MGMT: variants seen among roughly 807,000 people sequenced by gnomAD.
MGMT encodes the protein methylated-DNA--protein-cysteine methyltransferase.
MGMT carries 14 observed loss-of-function variants against 15.9 expected under a neutral mutation model. The ratio of observed to expected loss-of-function variants is 0.88; its 90% CI spans 0.58 to 1.37. The LOEUF is 1.37. Ranked by LOEUF, MGMT falls within the 40% of genes most tolerant of loss-of-function variation. MGMT has a pLI of 0.00. For missense variants in MGMT, 282 were observed against 268.1 expected (o/e 1.05, Z -0.36); for synonymous variants, 130 against 118.2 (o/e 1.10, Z -0.65).
In MGMT at chr10:129,647,918, T is replaced by G. The variant is rs547307933; in HGVS notation, c.126-59977T>G. ...GCGAGTCTGTGAAGGAACATAAATG[T>G]GCTGTGCTGTTTACATACTAACTTA... On this transcript the variant is annotated intron_variant, in intron 2 of 4. Transcript: ENST00000651593. Among the ~76,000 whole-genome samples the G allele has an allele frequency of 3.3e-5, 5 of 152,352 alleles. No individual in the cohort carries two copies. In the South Asian group the frequency reaches 1.0e-3, roughly 32 times the overall value.
chr10:129,581,046 A>T (rs1216087252), intron 2 of MGMT, among the ~76,000 whole-genome samples: 1 of 152,226 alleles, frequency 6.6e-6, no homozygotes, highest in Non-Finnish European at 1.5e-5. Flanking sequence ...ATGTTAGCAC[A>T]TGACACTCTG....
intron 3 of MGMT, among the ~76,000 whole-genome samples, chr10:129,745,848 T>G (rs1045459252): frequency 1.3e-5 from 2 of 152,184 alleles, no homozygotes; most frequent in Middle Eastern, 3.4e-3. Context: ...TTTGGAAAAA[T>G]CTTTATATAT....
chr10:129,620,774 T>C (rs1847082313), intron 2 of MGMT, among the ~76,000 whole-genome samples: 1 of 152,224 alleles, frequency 6.6e-6, no homozygotes, highest in South Asian at 2.1e-4. Context: ...TACTTTTTAT[T>C]TGAAATGTTT....
intron 1 of MGMT, among the ~76,000 whole-genome samples, chr10:129,522,002 C>T (rs1845816014): frequency 1.3e-5 from 2 of 152,200 alleles, no homozygotes; most frequent in South Asian, 4.1e-4. Flanking sequence ...TGGTCTGGAC[C>T]GAGCAGGCAG....
intron 2 of MGMT, among the ~76,000 whole-genome samples, chr10:129,707,124 A>C (rs373121093): frequency 6.6e-6 from 1 of 152,204 alleles, no homozygotes; most frequent in African/African-American, 2.4e-5. Context: ...AAAGATACAA[A>C]AAGTTAGCTG....
At chr10:129,470,014 G>A (rs1303823134) in intron 1 of MGMT, among the ~76,000 whole-genome samples, 2 of 152,096 alleles carry the variant, frequency 1.3e-5, no homozygotes, top group Admixed American at 6.5e-5. Flanking sequence ...GCCTGGCCTC[G>A]CAGGATATTA....
intron 2 of MGMT, among the ~76,000 whole-genome samples, chr10:129,602,455 G>A (rs902976166): frequency 1.3e-5 from 2 of 152,290 alleles, no homozygotes; most frequent in East Asian, 1.9e-4. Context: ...TTGTGAGAGC[G>A]GATTCACCAA....
At position 129,468,233 on chromosome 10, in the gene MGMT, C is replaced by A. The variant is rs572222970; in HGVS notation, c.-13+937C>A. ...GGAGATGGTTTTGTTATTTTCAGGG[C>A]CCTCTCAATGGCTAAAACACTCTGG... On this transcript the variant is annotated intron_variant, in intron 1 of 4. Coordinates refer to ENST00000651593, the MANE Select transcript of MGMT (RefSeq NM_002412.5). Among the ~76,000 whole-genome samples the A allele has an allele frequency of 3.9e-5, 6 of 152,292 alleles. 1 individual carries two copies. The highest frequency in any genetic ancestry group is 1.4e-4 in the African/African-American group (6 of 41,572).
intron 2 of MGMT, among the ~76,000 whole-genome samples, chr10:129,609,424 G>T (rs1006075392): frequency 6.6e-6 from 1 of 151,910 alleles, no homozygotes; most frequent in African/African-American, 2.4e-5. Flanking sequence ...CCTGGAGGCT[G>T]GATGGTAGAA....
intron 3 of MGMT, among the ~76,000 whole-genome samples, chr10:129,729,258 T>C (rs1333865221): frequency 6.6e-6 from 1 of 152,216 alleles, no homozygotes; most frequent in African/African-American, 2.4e-5. Flanking sequence ...CCACGGGCTG[T>C]GTCTGATGGT....
intron 2 of MGMT, among the ~76,000 whole-genome samples, chr10:129,592,179 A>G (rs1846695112): frequency 6.6e-6 from 1 of 152,208 alleles, no homozygotes; most frequent in African/African-American, 2.4e-5. Context: ...AGTATCACTG[A>G]CCAGCCAACC....
At position 129,635,559 on chromosome 10, in the gene MGMT, TCTTA is replaced by T. The variant is rs369553244; in HGVS notation, c.126-72331_126-72328del. The stretch of plus-strand genomic sequence containing the variant: ...TTTTGGTGAGAGGGTCAATCTTGTC[TCTTA>T]CTTATTTTATCTTGCCTGGAAACAG... On this transcript the variant is annotated intron_variant, in intron 2 of 4. Coordinates refer to ENST00000651593, the MANE Select transcript of MGMT (RefSeq NM_002412.5). Among the ~76,000 whole-genome samples the T allele has an allele frequency of 1.9e-4, 29 of 152,380 alleles. 1 individual carries two copies. In the South Asian group the frequency reaches 5.0e-3, roughly 26 times the overall value.
intron 2 of MGMT, among the ~76,000 whole-genome samples, chr10:129,707,037 G>A (rs550537768): frequency 7.9e-5 from 12 of 152,174 alleles, no homozygotes; most frequent in Middle Eastern, 3.4e-3. Context: ...CCACGCGGGC[G>A]GATCACCTGA....
intron 3 of MGMT, among the ~76,000 whole-genome samples, chr10:129,732,714 C>T (rs1245582165): frequency 7.6e-6 from 1 of 131,852 alleles, no homozygotes; most frequent in Admixed American, 8.7e-5. Context: ...CCCGTCCCCC[C>T]ACCCCACAAC....
At chr10:129,519,542 C>T (rs187026774) in intron 1 of MGMT, among the ~76,000 whole-genome samples, 17 of 152,288 alleles carry the variant, frequency 1.1e-4, no homozygotes, top group African/African-American at 2.4e-4. Context: ...GAGACCTTTA[C>T]GGAGTTCAGT....
At chr10:129,757,444 T>C (rs747358352) in intron 3 of MGMT, among the ~76,000 whole-genome samples, 1 of 152,162 alleles carries the variant, frequency 6.6e-6, no homozygotes, top group Non-Finnish European at 1.5e-5. Flanking sequence ...TTCCAGGCCG[T>C]TCTCCCAGAA....
chr10:129,560,565 C>G (rs567559796), intron 2 of MGMT, among the ~76,000 whole-genome samples: 4 of 152,208 alleles, frequency 2.6e-5, no homozygotes, highest in Admixed American at 6.5e-5. Flanking sequence ...GACTCTCCTT[C>G]GTTCTTTTGC....
At chr10:129,492,349 C>T in intron 1 of MGMT, among the ~76,000 whole-genome samples, 1 of 152,166 alleles carries the variant, frequency 6.6e-6, no homozygotes, top group East Asian at 1.9e-4. Context: ...GTTTCAAAGT[C>T]TCCTAAATGT....
In MGMT at chr10:129,767,606, C is replaced by T. The variant is rs573114327; in HGVS notation, c.*609C>T. 6.6e-6 allele frequency: 1 copy of T among 152,384 alleles called. No individual in the cohort carries two copies. Among genetic ancestry groups the T allele is most frequent in the Non-Finnish European group, 1.5e-5 (1 of 68,056 alleles). The allele number at this position is 152,384 out of a possible 1,614,324, so 9.4% of individuals were successfully genotyped here. On this transcript the variant is annotated 3_prime_UTR_variant, in exon 5 of 5. Coordinates refer to ENST00000651593, the MANE Select transcript of MGMT (RefSeq NM_002412.5). ...CTGTATCAGGTGAATAGAAAATAAC[C>T]ATTTGCCAAGATTTGGAAAGACAGA...
Sources: allele counts gnomAD v4.1 joint callset (sites outside exome capture counted in the v4.1 genomes callset), GRCh38; gene constraint gnomAD v4.1.1; transcripts MANE v1.5; gene names NCBI Gene and HGNC (gene_info 2026-07-23, HGNC 2026-07-21).